AP2B1: variants seen among roughly 807,000 people sequenced by gnomAD.
AP2B1 encodes the protein adaptor related protein complex 2 subunit beta 1, also known as AP-2 complex subunit beta.
AP2B1 carries 23 observed loss-of-function variants against 102.0 expected under a neutral mutation model. The observed-to-expected ratio is 0.23, with a 90% CI of 0.16 to 0.32. The LOEUF is 0.32. Among genes scored for constraint, AP2B1 ranks in the 10% least tolerant of loss-of-function variants. The pLI is 1.00. For missense variants in AP2B1, 541 were observed against 1,157.4 expected, an observed-to-expected ratio of 0.47 and a Z score of 7.73; for synonymous variants, 381 against 421.2, an observed-to-expected ratio of 0.90 and a Z score of 1.17.
chr17:35,587,861 A>T (rs1365051113), intron 1 of AP2B1: 1 of 152,126 alleles, frequency 6.6e-6, no homozygotes, highest in African/African-American at 2.4e-5. Context: ...TTGCTCATTG[A>T]TGGGCGAACG....
chr17:35,605,937 G>A lies in AP2B1; in HGVS notation c.279+97G>A. 4.6e-6 allele frequency: 7 copies of A among 1,519,360 alleles called. No homozygotes were observed. The South Asian group carries it at 8.0e-5, about 17-fold the overall frequency. The allele number at this position is 1,519,360 out of a possible 1,614,324, so 94.1% of individuals were successfully genotyped here. On this transcript the variant is annotated intron_variant, in intron 4 of 21. Transcript: ENST00000610402. ...TGTAGGGAAGTGTTGGCAATGACTA[G>A]GAATGTTCATGTTTTAAGCATTCTG...
intron 16 of AP2B1, among the ~76,000 whole-genome samples, chr17:35,672,485 G>A (rs1041406037): frequency 6.6e-6 from 1 of 152,162 alleles, no homozygotes; most frequent in Non-Finnish European, 1.5e-5. Context: ...TCCAGGCTAG[G>A]CCAGGCTTCA....
At chr17:35,669,250 G>A (rs140823415) in intron 14 of AP2B1, among the ~76,000 whole-genome samples, 11 of 151,486 alleles carry the variant, frequency 7.3e-5, no homozygotes, top group African/African-American at 2.7e-4. Flanking sequence ...TTCAAGGGAT[G>A]CTCCTGCCTC....
intron 18 of AP2B1, among the ~76,000 whole-genome samples, chr17:35,691,697 T>C (rs1473573625): frequency 1.3e-5 from 2 of 152,252 alleles, no homozygotes; most frequent in Non-Finnish European, 2.9e-5. Context: ...TTGGATCTAC[T>C]ATCCAAATGA....
At chr17:35,641,814 G>A in intron 11 of AP2B1, 63 bp from the exon 12 acceptor site, 1 of 1,267,032 alleles carries the variant, frequency 7.9e-7, no homozygotes, top group African/African-American at 1.5e-5. Context: ...CCACTTTGGA[G>A]ATGATGGCAG....
intron 21 of AP2B1, among the ~76,000 whole-genome samples, chr17:35,720,381 A>G (rs1188685024): frequency 6.6e-6 from 1 of 151,634 alleles, no homozygotes; most frequent in African/African-American, 2.4e-5. Flanking sequence ...AGAGGGTTGC[A>G]GGGAAGAAAA....
rs751918992 is a variant in AP2B1 at position 35,624,529 on chromosome 17, A to G, written c.658A>G (p.Ile220Val). Residue 220 changes from isoleucine (I) to valine (V), a missense_variant, in exon 6 of 22, where the codon ATT (isoleucine) becomes GTT (valine). By Grantham distance (29) the Ile-to-Val change is conservative. This residue lies in a region of AP2B1 where 134 missense variants were observed against 250.2 expected (regional missense o/e 0.54). Transcript: ENST00000610402. ...ALNECTEWGQIFILDCLSNYN... is the reference protein window; with the variant it reads ...ALNECTEWGQVFILDCLSNYN... ...GAATGAATGCACTGAATGGGGCCAG[A>G]TTTTCATCCTGGACTGCCTGTCTAA... The G allele has an allele frequency of 6.2e-7, 1 of 1,614,006 alleles. No individual in the cohort carries two copies. The highest frequency in any genetic ancestry group is 8.5e-7 in the Non-Finnish European group (1 of 1,180,000).
At chr17:35,602,016 A>G (rs1042900333) in intron 3 of AP2B1, among the ~76,000 whole-genome samples, 6 of 152,220 alleles carry the variant, frequency 3.9e-5, no homozygotes, top group African/African-American at 1.4e-4. Flanking sequence ...AAAAATTGTC[A>G]TAACTCTACA....
At chr17:35,632,195 C>T (rs564928758) in intron 9 of AP2B1, among the ~76,000 whole-genome samples, 19 of 151,524 alleles carry the variant, frequency 1.3e-4, no homozygotes, top group South Asian at 6.3e-4. Context: ...GTGCAAATGG[C>T]GCAATCTCAG....
At chr17:35,599,423 C>G (rs2073402993) in intron 3 of AP2B1, among the ~76,000 whole-genome samples, 1 of 152,194 alleles carries the variant, frequency 6.6e-6, no homozygotes, top group Non-Finnish European at 1.5e-5. Context: ...TATCTCCCAT[C>G]ATAAGCTTGA....
In AP2B1 at chr17:35,659,307, G is replaced by A. The variant is rs560006478; in HGVS notation, c.1989+1516G>A. Among the ~76,000 whole-genome samples, 3 of 152,292 alleles carry A rather than the reference G, an allele frequency of 2.0e-5. No individual in the cohort carries two copies. The East Asian group carries it at 5.8e-4, about 29-fold the overall frequency. ...GTGGACTCATTGAACCTAAAAATGA[G>A]AAACAAAGTTCAAGGGATAGAGGGG... On this transcript the variant is annotated intron_variant, in intron 14 of 21. Coordinates refer to ENST00000610402, the MANE Select transcript of AP2B1 (RefSeq NM_001030006.2).
At chr17:35,714,667 G>T (rs782738773) in intron 20 of AP2B1, among the ~76,000 whole-genome samples, 1 of 152,070 alleles carries the variant, frequency 6.6e-6, no homozygotes, top group Non-Finnish European at 1.5e-5. Context: ...CCATGATCAC[G>T]CCACTGCACT....
At chr17:35,697,351 T>C (rs2143001344) in intron 18 of AP2B1, among the ~76,000 whole-genome samples, 1 of 152,380 alleles carries the variant, frequency 6.6e-6, no homozygotes, top group East Asian at 1.9e-4. Context: ...ATTTTTTCTG[T>C]TGCTAACTTA....
intron 12 of AP2B1, among the ~76,000 whole-genome samples, chr17:35,642,213 T>C (rs560031322): frequency 6.6e-6 from 1 of 152,356 alleles, no homozygotes; most frequent in African/African-American, 2.4e-5. Flanking sequence ...AAATTGAACC[T>C]AGACTCTTAG....
At chr17:35,594,201 T>A (rs950916352) in intron 2 of AP2B1, 134 bp downstream of exon 2, 12 of 565,654 alleles carry the variant, frequency 2.1e-5, no homozygotes, top group African/African-American at 1.9e-4. Context: ...ATCTACTACT[T>A]CTATAGATGA....
At chr17:35,686,615 C>A (rs1035721119) in intron 18 of AP2B1, among the ~76,000 whole-genome samples, 17 of 152,140 alleles carry the variant, frequency 1.1e-4, no homozygotes, top group African/African-American at 3.9e-4. Context: ...ATCATTCTTT[C>A]AAGTTTTCAG....
rs587727156 is a variant in AP2B1, at chr17:35,682,412, G to A, written c.2325-283G>A. On this transcript the variant is annotated intron_variant, in intron 17 of 21. Transcript: ENST00000610402. ...GGCTGGAGTGCAATGGTGCGATCTC[G>A]GCTCACTACAACCTCCGCCTCCCGA... Among the ~76,000 whole-genome samples, 333 of 141,564 alleles carry A rather than the reference G, an allele frequency of 2.4e-3. 2 individuals carry two copies. Among genetic ancestry groups the A allele is most frequent in the African/African-American group, 8.3e-3 (316 of 37,884 alleles). The allele number at this position is 141,564 out of a possible 152,430, so 92.9% of individuals were successfully genotyped here. A position where few individuals can be genotyped will look rare whatever the true frequency, so the allele number is the denominator to read the frequency against.
intron 20 of AP2B1, among the ~76,000 whole-genome samples, chr17:35,716,827 A>G (rs922113907): frequency 2.0e-5 from 3 of 152,222 alleles, no homozygotes; most frequent in Admixed American, 1.3e-4. Flanking sequence ...GACAGTCACT[A>G]TGGCATACCC....
chr17:35,608,510 T>C (rs2301731), intron 5 of AP2B1, 123 bp downstream of exon 5: 47,023 of 1,192,230 alleles, frequency 0.039, 1,786 homozygotes, highest in East Asian at 0.16. Context: ...AAACATGACT[T>C]TGTGTGTCTC....
Sources: gnomAD v4.1 joint callset for allele counts (sites outside exome capture counted in the v4.1 genomes callset) on GRCh38, gnomAD v4.1.1 for gene constraint, gnomAD v4.1.1 regional missense constraint, MANE v1.5 for transcripts, NCBI Gene and HGNC (gene_info 2026-07-23, HGNC 2026-07-21) for gene names.